Variants in SOD1 observed in about 807,000 individuals in gnomAD.
SOD1 encodes superoxide dismutase [Cu-Zn].
A neutral mutation model predicts 15.9 loss-of-function variants in SOD1; 8 were observed. The observed-to-expected ratio is 0.50, with a 90% CI of 0.30 to 0.91. The LOEUF is 0.91. Among genes scored for constraint, SOD1 ranks in the 40% least tolerant of loss-of-function variants. The pLI is 0.07. For missense variants in SOD1, 137 were observed against 194.5 expected, an observed-to-expected ratio of 0.70 and a Z score of 1.76; for synonymous variants, 86 against 71.2, an observed-to-expected ratio of 1.21 and a Z score of -1.04.
At chr21:31,665,655 A>G (rs2049586625) in intron 2 of SOD1, among the ~76,000 whole-genome samples, 1 of 152,188 alleles carries the variant, frequency 6.6e-6, no homozygotes. Flanking sequence ...CCTTCTACAC[A>G]GGATACAGTT....
intron 2 of SOD1, chr21:31,664,304 C>A: frequency 3.6e-6 from 1 of 280,010 alleles, no homozygotes. Flanking sequence ...AAAAAGAGGT[C>A]AACTTTATTG....
chr21:31,663,951 C>T (rs2049571060), intron 2 of SOD1, 65 bp downstream of exon 2: 1 of 1,234,982 alleles, frequency 8.1e-7, no homozygotes. Flanking sequence ...AGTAGAGTAG[C>T]CCCTAAACGT....
chr21:31,666,052 A>C (rs1255011637), intron 2 of SOD1, among the ~76,000 whole-genome samples: 1 of 150,654 alleles, frequency 6.6e-6, no homozygotes, highest in Non-Finnish European at 1.5e-5. Flanking sequence ...GCTCACTGCA[A>C]CCTCTGCCTC....
At position 31,659,886 on chromosome 21, in the gene SOD1, G is replaced by A. The variant is rs376950416; in HGVS notation, c.72+45G>A. The A allele has an allele frequency of 1.3e-5, 20 of 1,582,530 alleles. 1 individual carries two copies. Among genetic ancestry groups the A allele is most frequent in the African/African-American group, 4.0e-5 (3 of 74,412 alleles). Reference sequence around the variant, plus strand: ...CTTGTTTGCGAGGCCGCTCCCACCCGCTCGTCCCCCCGCGCACCTTTGCTA... The same window carrying A: ...CTTGTTTGCGAGGCCGCTCCCACCCACTCGTCCCCCCGCGCACCTTTGCTA... On this transcript the variant is annotated intron_variant, in intron 1 of 4. Coordinates refer to ENST00000270142, the MANE Select transcript of SOD1 (RefSeq NM_000454.5).
In SOD1 at chr21:31,659,782, GC is replaced by G. The variant is rs1568807304; in HGVS notation, c.15del (p.Val6CysfsTer4). 6.2e-7 allele frequency: 1 copy of G among 1,613,898 alleles called. No homozygotes were observed. Among genetic ancestry groups the G allele is most frequent in the South Asian group, 1.1e-5 (1 of 91,090 alleles). On this transcript the variant is annotated frameshift_variant, in exon 1 of 5. Coordinates refer to ENST00000270142, the MANE Select transcript of SOD1 (RefSeq NM_000454.5). LOFTEE classifies it high-confidence loss of function. Reference protein sequence around the residue: MATKAVCVLKGDGPV... With the variant: MATKXVCVLKGDGPV... ...GGCCTAGCGAGTTATGGCGACGAAGGCCGTGTGCGTGCTGAAGGGCGACGGC... is the reference window on the plus strand; with the variant it reads ...GGCCTAGCGAGTTATGGCGACGAAGGCGTGTGCGTGCTGAAGGGCGACGGC...
intron 1 of SOD1, 106 bp from the exon 2 acceptor site, chr21:31,663,684 T>A: frequency 1.1e-6 from 1 of 873,938 alleles, no homozygotes; most frequent in Non-Finnish European, 1.9e-6. Context: ...ACACAGATTT[T>A]TCCACTCCCA....
rs2049573927 is a variant in SOD1 at position 31,664,232 on chromosome 21, C to T, written c.169+346C>T. The T allele has an allele frequency of 1.9e-5, 6 of 321,006 alleles. No homozygotes were observed. In the Admixed American group the frequency reaches 2.4e-4, roughly 13 times the overall value. 19.9% of individuals were successfully genotyped at this position (321,006 alleles called of 1,614,324 possible). On this transcript the variant is annotated intron_variant, in intron 2 of 4. Transcript: ENST00000270142. ...AAGTGGTCTATCCTCCTCGACCTCC[C>T]AAAGTGCTGGGATTACATGTGTGAG...
chr21:31,663,962 T>A, intron 2 of SOD1, 76 bp downstream of exon 2: 1 of 1,106,880 alleles, frequency 9.0e-7, no homozygotes, highest in Non-Finnish European at 1.4e-6. Flanking sequence ...CCCTAAACGT[T>A]AAAACCCCTC....
In SOD1 at chr21:31,666,528, T is replaced by A; in HGVS notation, c.239+10T>A. ...CAAAGGATGAAGAGAGGTAACAAGA[T>A]GCTTAACTCTTGTAATAATGGCGAT... On this transcript the variant is annotated intron_variant, in intron 3 of 4. Transcript: ENST00000270142. The A allele has an allele frequency of 6.3e-7, 1 of 1,589,890 alleles. No individual in the cohort carries two copies. Among genetic ancestry groups the A allele is most frequent in the Non-Finnish European group, 8.6e-7 (1 of 1,158,544 alleles).
Position 31,668,815 on chromosome 21 carries a change from T to C in SOD1, c.*237T>C. ...TTCAATGACCTGTATTTTGCCAGAC[T>C]TAAATCACAGATGGGTATTAAACTT... is the stretch of plus-strand genomic sequence containing the variant. On this transcript the variant is annotated 3_prime_UTR_variant, in exon 5 of 5. Transcript: ENST00000270142. 2.0e-6 allele frequency: 1 copy of C among 496,484 alleles called. No homozygotes were observed. The highest frequency in any genetic ancestry group is 3.6e-6 in the Non-Finnish European group (1 of 274,032). 30.8% of individuals were successfully genotyped at this position (496,484 alleles called of 1,614,324 possible). A position where few individuals can be genotyped will look rare whatever the true frequency, so the allele number is the denominator to read the frequency against.
At chr21:31,666,382 T>C in intron 2 of SOD1, 67 bp from the exon 3 acceptor site, 2 of 1,262,216 alleles carry the variant, frequency 1.6e-6, no homozygotes, top group Non-Finnish European at 2.3e-6. Flanking sequence ...TAGCAGTGTT[T>C]CTTTTTAGAA....
In SOD1 at chr21:31,667,317, T is replaced by C. The variant is rs2049603184; in HGVS notation, c.299T>C (p.Ile100Thr). ...AAAGATGGTGTGGCCGATGTGTCTA[T>C]TGAAGATTCTGTGATCTCACTCTCA... ...ADKDGVADVS[I>T]EDSVISLSGD... Residue 100 changes from isoleucine (I) to threonine (T), a missense_variant, in exon 4 of 5, where the codon ATT becomes ACT. Coordinates refer to ENST00000270142, the MANE Select transcript of SOD1 (RefSeq NM_000454.5). 3 of 1,614,064 alleles carry C rather than the reference T, an allele frequency of 1.9e-6. No homozygotes were observed. Among genetic ancestry groups the C allele is most frequent in the African/African-American group, 2.7e-5 (2 of 74,932 alleles).
At position 31,668,655 on chromosome 21, in the gene SOD1, C is replaced by A. The variant is rs965517582; in HGVS notation, c.*77C>A. 10 of 1,067,652 alleles carry A rather than the reference C, an allele frequency of 9.4e-6. No homozygotes were observed. In the African/African-American group the frequency reaches 1.2e-4, roughly 13 times the overall value. 66.1% of individuals were successfully genotyped at this position (1,067,652 alleles called of 1,614,324 possible). On this transcript the variant is annotated 3_prime_UTR_variant, in exon 5 of 5. Transcript: ENST00000270142. ...AGCTGTAGAAATGTATCCTGATAAA[C>A]ATTAAACACTGTAATCTTAAAAGTG...
At position 31,659,741 on chromosome 21, in the gene SOD1, A is replaced by C; in HGVS notation, c.-29A>C. 1 of 1,613,368 alleles carries C rather than the reference A, an allele frequency of 6.2e-7. No homozygotes were observed. Among genetic ancestry groups the C allele is most frequent in the African/African-American group, 1.3e-5 (1 of 75,036 alleles). ...TGGGGTTTCCGTTGCAGTCCTCGGAACCAGGACCTCGGCGTGGCCTAGCGA... is the reference window on the plus strand; with the variant it reads ...TGGGGTTTCCGTTGCAGTCCTCGGACCCAGGACCTCGGCGTGGCCTAGCGA... On this transcript the variant is annotated 5_prime_UTR_variant, in exon 1 of 5. Transcript: ENST00000270142.
chr21:31,665,829 T>C (rs141149696), intron 2 of SOD1, among the ~76,000 whole-genome samples: 5 of 152,292 alleles, frequency 3.3e-5, no homozygotes, highest in East Asian at 3.9e-4. Flanking sequence ...TTCTTAAGAA[T>C]TTGGATCATA....
chr21:31,659,982 C>A, intron 1 of SOD1, 141 bp downstream of exon 1: 2 of 721,774 alleles, frequency 2.8e-6, no homozygotes, highest in South Asian at 1.9e-5. Flanking sequence ...GCCGCCCGGT[C>A]GGTGCCTTCG....
At chr21:31,666,961 G>T in intron 3 of SOD1, 1 of 436,848 alleles carries the variant, frequency 2.3e-6, no homozygotes. Context: ...TTAAGGACAA[G>T]ATTTTTATAT....
chr21:31,661,838 AG>A (rs1327634549), intron 1 of SOD1: 2 of 152,264 alleles, frequency 1.3e-5, no homozygotes, highest in African/African-American at 4.8e-5. Context: ...TGGATAGTGG[AG>A]CATTCCAGCT....
intron 3 of SOD1, chr21:31,666,774 A>G: frequency 5.7e-6 from 3 of 525,176 alleles, no homozygotes; most frequent in Non-Finnish European, 1.0e-5. Context: ...ACAAGTGCCA[A>G]AGGGGAACTA....
Sources: gnomAD v4.1 joint callset for allele counts (sites outside exome capture counted in the v4.1 genomes callset) on GRCh38, gnomAD v4.1.1 for gene constraint, MANE v1.5 for transcripts, NCBI Gene and HGNC (gene_info 2026-07-23, HGNC 2026-07-21) for gene names.